The following FREM2 variants were observed in gnomAD, a reference collection of about 807,000 sequenced individuals.
The protein encoded by FREM2 is FRAS1 related extracellular matrix 2, also known as FRAS1-related extracellular matrix protein 2.
A neutral mutation model predicts 219.9 loss-of-function variants in FREM2; 119 were observed. That is an observed-to-expected ratio of 0.54 (90% CI 0.47 to 0.63). FREM2 has a LOEUF of 0.63. Among genes scored for constraint, FREM2 ranks in the 30% least tolerant of loss-of-function variants. FREM2 has a pLI of 0.00. For missense variants in FREM2, 4,030 were observed against 3,993.6 expected (o/e 1.01, Z -0.25); for synonymous variants, 1,562 against 1,522.8 (o/e 1.03, Z -0.60).
rs544626084 is a variant in FREM2, at chr13:38,882,313, T to C, written c.*1526T>C. 6.6e-6 allele frequency: 1 copy of C among 152,230 alleles called. No homozygotes were observed. The highest frequency in any genetic ancestry group is 2.1e-4 in the South Asian group (1 of 4,832). 9.4% of individuals were successfully genotyped at this position (152,230 alleles called of 1,614,324 possible). ...GATGCTGGCTAGAATCCCCTTTGAC[T>C]TCTAGCCATAAGCTGGCCACATTGG... On this transcript the variant is annotated 3_prime_UTR_variant, in exon 24 of 24. Coordinates refer to ENST00000280481, the MANE Select transcript of FREM2 (RefSeq NM_207361.6).
intron 3 of FREM2, among the ~76,000 whole-genome samples, chr13:38,767,413 C>A (rs1391203337): frequency 6.6e-6 from 1 of 152,174 alleles, no homozygotes; most frequent in Non-Finnish European, 1.5e-5. Context: ...GCTTGACTAT[C>A]GTGCAGGAAG....
intron 1 of FREM2, among the ~76,000 whole-genome samples, chr13:38,693,654 G>A (rs1869991881): frequency 6.6e-6 from 1 of 152,230 alleles, no homozygotes; most frequent in African/African-American, 2.4e-5. Context: ...TAGAGATGGA[G>A]CTTAACCCCA....
At chr13:38,775,111 G>A (rs538670222) in intron 4 of FREM2, among the ~76,000 whole-genome samples, 2 of 152,250 alleles carry the variant, frequency 1.3e-5, no homozygotes, top group East Asian at 3.9e-4. Context: ...ACAAAGAAAA[G>A]ACAAAAATCT....
At chr13:38,810,359 G>C (rs929287077) in intron 6 of FREM2, among the ~76,000 whole-genome samples, 3 of 151,818 alleles carry the variant, frequency 2.0e-5, no homozygotes, top group Admixed American at 2.0e-4. Flanking sequence ...TTATATGTTG[G>C]TTAACAGTGG....
At chr13:38,864,736 A>G (rs567462313) in intron 16 of FREM2, 130 bp downstream of exon 16, 570 of 790,160 alleles carry the variant, frequency 7.2e-4, no homozygotes, top group Non-Finnish European at 8.3e-4. Flanking sequence ...ACAGCAAGGG[A>G]CCAGACAACT....
intron 16 of FREM2, among the ~76,000 whole-genome samples, chr13:38,865,882 A>G (rs185630286): frequency 5.9e-4 from 90 of 152,344 alleles, no homozygotes; most frequent in African/African-American, 2.0e-3. Flanking sequence ...TTAAACACGT[A>G]TAAGTGTTCA....
intron 2 of FREM2, among the ~76,000 whole-genome samples, chr13:38,717,521 A>G (rs1187948074): frequency 6.8e-6 from 1 of 146,226 alleles, no homozygotes; most frequent in African/African-American, 2.6e-5. Context: ...GGTTCAAGTG[A>G]TTCTCTTGGC....
At position 38,687,357 on chromosome 13, in the gene FREM2, G is replaced by A. The variant is rs374997939; in HGVS notation, c.13G>A (p.Gly5Arg). Residue 5 changes from glycine to arginine, a missense_variant, in exon 1 of 24, where the codon GGG becomes AGG. Physicochemically the swap from Gly to Arg is moderately radical, Grantham distance 125 (BLOSUM62 -2). This residue lies in a region of FREM2 where 3,102 missense variants were observed against 2,950.7 expected (regional missense o/e 1.05). Transcript: ENST00000280481. ...GAACACCGGGACCATGCACTCAGCCGGGACTCCCGGGTTATCCTCGCGCCG... is the reference window on the plus strand; with the variant it reads ...GAACACCGGGACCATGCACTCAGCCAGGACTCCCGGGTTATCCTCGCGCCG... MHSAGTPGLSSRRTG... is the reference protein window; with the variant it reads MHSARTPGLSSRRTG... The A allele has an allele frequency of 1.2e-6, 2 of 1,605,924 alleles. No homozygotes were observed. The highest frequency in any genetic ancestry group is 1.3e-5 in the African/African-American group (1 of 74,778).
rs1454665041 is a variant in FREM2, at chr13:38,691,570, A to C, written c.4226A>C (p.Tyr1409Ser). 1.9e-6 allele frequency: 3 copies of C among 1,614,030 alleles called. No homozygotes were observed. The highest frequency in any genetic ancestry group is 2.7e-5 in the African/African-American group (2 of 74,908). ...GGAATAAATCCCCTCATAGATCGTT[A>C]CTTTTATGTGTCCATCGGGAGCATT... The part of the protein sequence containing the change: ...TDGINPLIDR[Y>S]FYVSIGSIDI... Residue 1409 changes from tyrosine to serine, a missense_variant, in exon 1 of 24, where the codon TAC (tyrosine) becomes TCC (serine). Physicochemically the swap from Tyr to Ser is moderately radical, Grantham distance 144. This residue lies in a region of FREM2 where 3,102 missense variants were observed against 2,950.7 expected (regional missense o/e 1.05). Transcript: ENST00000280481.
chr13:38,807,350 T>C (rs1399345188), intron 6 of FREM2, among the ~76,000 whole-genome samples: 1 of 149,870 alleles, frequency 6.7e-6, no homozygotes, highest in Non-Finnish European at 1.5e-5. Flanking sequence ...ACTGGGATGA[T>C]AGCTGGGATT....
At chr13:38,783,862 C>T (rs948722014) in intron 5 of FREM2, among the ~76,000 whole-genome samples, 9 of 152,048 alleles carry the variant, frequency 5.9e-5, no homozygotes, top group South Asian at 4.1e-4. Context: ...TTTGGGAGGC[C>T]GAGGCGGGTG....
intron 6 of FREM2, among the ~76,000 whole-genome samples, chr13:38,795,987 CTTTCTTTCTTT>C (rs1406000310): frequency 6.0e-5 from 9 of 149,854 alleles, no homozygotes; most frequent in East Asian, 1.9e-4. Context: ...TTCTTTCTTT[CTTTCTTTCTTT>C]TTTCTTTCTT....
intron 6 of FREM2, among the ~76,000 whole-genome samples, chr13:38,796,923 C>G (rs1473556841): frequency 6.6e-6 from 1 of 151,968 alleles, no homozygotes; most frequent in East Asian, 1.9e-4. Context: ...CTATGTTTCA[C>G]AAGCTGGAGT....
At chr13:38,728,107 G>A (rs2138116548) in intron 2 of FREM2, among the ~76,000 whole-genome samples, 1 of 152,214 alleles carries the variant, frequency 6.6e-6, no homozygotes, top group Admixed American at 6.5e-5. Context: ...GGTACATTAA[G>A]CACTAGAGTC....
At chr13:38,840,903 G>A (rs990446133) in intron 6 of FREM2, among the ~76,000 whole-genome samples, 3 of 152,058 alleles carry the variant, frequency 2.0e-5, no homozygotes, top group Admixed American at 6.5e-5. Context: ...ACTTAGGTTA[G>A]CATTTCTATA....
At chr13:38,697,839 G>A in intron 2 of FREM2, 52 bp downstream of exon 2, 1 of 995,938 alleles carries the variant, frequency 1.0e-6, no homozygotes, top group Non-Finnish European at 1.6e-6. Flanking sequence ...GCTTTTCTTG[G>A]TTGCTCTCTG....
intron 6 of FREM2, chr13:38,822,022 C>G (rs183981554): frequency 6.6e-6 from 1 of 152,120 alleles, no homozygotes; most frequent in African/African-American, 2.4e-5. Context: ...GTGACAGTCT[C>G]TCCATTGTGA....
chr13:38,766,742 A>G (rs916850187), intron 3 of FREM2, among the ~76,000 whole-genome samples: 21 of 152,232 alleles, frequency 1.4e-4, no homozygotes, highest in Non-Finnish European at 2.8e-4. Context: ...CCACATTAGT[A>G]TATGCATTTC....
chr13:38,725,032 A>G (rs1871457998), intron 2 of FREM2, among the ~76,000 whole-genome samples: 1 of 152,196 alleles, frequency 6.6e-6, no homozygotes, highest in East Asian at 1.9e-4. Flanking sequence ...TTTGTTTTGA[A>G]CCTTGCCTTT....
Sources: gnomAD v4.1 joint callset for allele counts (sites outside exome capture counted in the v4.1 genomes callset) on GRCh38, gnomAD v4.1.1 for gene constraint, gnomAD v4.1.1 regional missense constraint, MANE v1.5 for transcripts, NCBI Gene and HGNC (gene_info 2026-07-23, HGNC 2026-07-21) for gene names.